The following SLC35F4 variants were observed in gnomAD, a reference collection of about 807,000 sequenced individuals.
SLC35F4 encodes chromosome 14 open reading frame 36.
Under a neutral mutation model 44.2 loss-of-function variants are expected in SLC35F4, and 24 were observed. That is an observed-to-expected ratio of 0.54 (90% CI 0.39 to 0.76). The LOEUF (loss-of-function observed/expected upper bound fraction) is 0.76. Among genes scored for constraint, SLC35F4 ranks in the 30% least tolerant of loss-of-function variants. The pLI, the probability that SLC35F4 is intolerant of heterozygous loss-of-function variation, is 0.00. For synonymous variants in SLC35F4, 238 were observed against 223.6 expected (o/e 1.06, Z -0.57); for missense variants, 562 against 586.1 (o/e 0.96, Z 0.42).
chr14:57,750,777 T>C (rs1304196375), intron 1 of SLC35F4, among the ~76,000 whole-genome samples: 2 of 152,184 alleles, frequency 1.3e-5, no homozygotes, highest in African/African-American at 4.8e-5. Context: ...ACTTTTTGTA[T>C]ATTCTGGATA....
chr14:57,623,391 T>G (rs1203167969), intron 1 of SLC35F4, among the ~76,000 whole-genome samples: 1 of 152,146 alleles, frequency 6.6e-6, no homozygotes, highest in East Asian at 1.9e-4. Context: ...CTGTCAACAT[T>G]AGACAGATCA....
intron 1 of SLC35F4, among the ~76,000 whole-genome samples, chr14:57,690,101 A>G (rs75248120): frequency 0.15 from 22,574 of 152,130 alleles, 1,894 homozygotes; most frequent in East Asian, 0.29. Flanking sequence ...TCAACTTTTA[A>G]GCCTAAAATC....
chr14:57,854,457 C>T (rs1595221122), intron 1 of SLC35F4, among the ~76,000 whole-genome samples: 1 of 152,100 alleles, frequency 6.6e-6, no homozygotes, highest in African/African-American at 2.4e-5. Context: ...AAAAAAAGAA[C>T]TGTCTTTTTA....
At chr14:57,886,377 A>G (rs1360835) in intron 1 of SLC35F4, among the ~76,000 whole-genome samples, 70,180 of 151,940 alleles carry the variant, frequency 0.46, 19,277 homozygotes, top group African/African-American at 0.76. Flanking sequence ...TTCCAAGCTC[A>G]CTTAGGTTGT....
intron 1 of SLC35F4, among the ~76,000 whole-genome samples, chr14:57,604,609 A>G (rs2071039391): frequency 6.6e-6 from 1 of 152,176 alleles, no homozygotes; most frequent in African/African-American, 2.4e-5. Flanking sequence ...AAACTATTCT[A>G]AAATTTATAT....
At chr14:57,861,300 C>T (rs1566911841) in intron 1 of SLC35F4, among the ~76,000 whole-genome samples, 1 of 152,164 alleles carries the variant, frequency 6.6e-6, no homozygotes, top group Admixed American at 6.5e-5. Flanking sequence ...CTTTCCCAAA[C>T]GGGCCCCACA....
chr14:57,659,928 T>C (rs17093240), intron 1 of SLC35F4, among the ~76,000 whole-genome samples: 20,723 of 152,154 alleles, frequency 0.14, 1,690 homozygotes, highest in African/African-American at 0.22. Flanking sequence ...CAAAGAAGCA[T>C]GAAGTTATGA....
intron 1 of SLC35F4, among the ~76,000 whole-genome samples, chr14:57,673,674 T>C (rs1392195501): frequency 6.6e-6 from 1 of 151,702 alleles, no homozygotes; most frequent in African/African-American, 2.4e-5. Context: ...GAGGGATGAA[T>C]GCAGGTTTGG....
chr14:57,653,806 C>A (rs2140210439), intron 1 of SLC35F4, among the ~76,000 whole-genome samples: 1 of 152,268 alleles, frequency 6.6e-6, no homozygotes, highest in African/African-American at 2.4e-5. Context: ...GCTGCTGTAA[C>A]AAAGCACCAT....
At chr14:57,809,011 T>G (rs1326780565) in intron 1 of SLC35F4, among the ~76,000 whole-genome samples, 1 of 152,196 alleles carries the variant, frequency 6.6e-6, no homozygotes, top group African/African-American at 2.4e-5. Flanking sequence ...ATAGTGGCAT[T>G]TTTTGCCCAG....
At chr14:57,625,160 AACAG>A (rs1215424503) in intron 1 of SLC35F4, among the ~76,000 whole-genome samples, 1 of 151,830 alleles carries the variant, frequency 6.6e-6, no homozygotes, top group Non-Finnish European at 1.5e-5. Flanking sequence ...ATACACCAAG[AACAG>A]ACAGAGAGCC....
At chr14:57,866,113 G>C, upstream of SLC35F4, 1 of 194,084 alleles carries the variant, frequency 5.2e-6, no homozygotes, top group East Asian at 1.3e-4. Context: ...CACCTCCGAC[G>C]CCCACCGTGG....
rs192200233 is a variant in SLC35F4, at chr14:57,598,209, G to A, written c.104-4085C>T. ...AAGGCTGCTGCTTACCTTTCTCTGC[G>A]GAAAATTTGGTTGTCTGAAGCTCCT... On this transcript the variant is annotated intron_variant, in intron 1 of 7. Transcript: ENST00000556826. Among the ~76,000 whole-genome samples, 34 of 152,156 alleles carry A rather than the reference G, an allele frequency of 2.2e-4. 1 individual carries two copies. The highest frequency in any genetic ancestry group is 1.0e-3 in the South Asian group (5 of 4,820).
intron 1 of SLC35F4, among the ~76,000 whole-genome samples, chr14:57,865,447 C>T (rs1316055800): frequency 6.6e-6 from 1 of 152,206 alleles, no homozygotes; most frequent in African/African-American, 2.4e-5. Context: ...CAGGAGCGCT[C>T]ACCAGGTCCC....
At chr14:57,623,457 G>T (rs957989837) in intron 1 of SLC35F4, among the ~76,000 whole-genome samples, 1 of 152,166 alleles carries the variant, frequency 6.6e-6, no homozygotes, top group African/African-American at 2.4e-5. Flanking sequence ...GGACCAAGCG[G>T]ACCTAATTGA....
At chr14:57,570,871 T>C (rs111323115) in intron 5 of SLC35F4, among the ~76,000 whole-genome samples, 2,007 of 152,222 alleles carry the variant, frequency 0.013, 49 homozygotes, top group African/African-American at 0.046. Context: ...AAAGACTTAA[T>C]CAAAAGAATT....
In SLC35F4 at chr14:57,716,807, T is replaced by C. The variant is rs536169908; in HGVS notation, c.104-122683A>G. On this transcript the variant is annotated intron_variant, in intron 1 of 7. Coordinates refer to ENST00000556826, the MANE Select transcript of SLC35F4 (RefSeq NM_001306087.2). ...TAATTATAGTCATTCTACAGTGCTA[T>C]AGAACACTAGAACTTATTTCTCCTA... Among the ~76,000 whole-genome samples the C allele has an allele frequency of 5.3e-5, 8 of 152,346 alleles. 1 individual carries two copies. In the South Asian group the frequency reaches 1.4e-3, roughly 28 times the overall value.
At chr14:57,909,030 T>C (rs960836649) in intron 1 of SLC35F4, among the ~76,000 whole-genome samples, 1 of 152,250 alleles carries the variant, frequency 6.6e-6, no homozygotes, top group African/African-American at 2.4e-5. Flanking sequence ...GCACCATTTA[T>C]TGGATAGGAA....
intron 1 of SLC35F4, among the ~76,000 whole-genome samples, chr14:57,634,935 A>G (rs2072952469): frequency 6.6e-6 from 1 of 152,076 alleles, no homozygotes; most frequent in South Asian, 2.1e-4. Context: ...GGAAAGGGAT[A>G]GAGGTAGAAG....
Sources: allele counts gnomAD v4.1 joint callset (sites outside exome capture counted in the v4.1 genomes callset), GRCh38; gene constraint gnomAD v4.1.1; transcripts MANE v1.5; gene names NCBI Gene and HGNC (gene_info 2026-07-23, HGNC 2026-07-21).